The following PHF12 variants were observed in gnomAD, a reference collection of about 807,000 sequenced individuals.
PHF12 encodes the protein PHD finger protein 12.
A neutral mutation model predicts 99.8 loss-of-function variants in PHF12; 6 were observed. That is an observed-to-expected ratio of 0.06 (90% CI 0.03 to 0.12). The LOEUF is 0.12. Ranked by LOEUF, PHF12 falls within the 10% of genes least tolerant of loss-of-function variation. The probability of loss-of-function intolerance (pLI) is 1.00; values close to 1 mark genes in which losing one functional copy is unlikely to be tolerated. For missense variants in PHF12, 954 were observed against 1,300.1 expected (o/e 0.73, Z 4.09); for synonymous variants, 480 against 514.9 (o/e 0.93, Z 0.92).
In PHF12 at chr17:28,950,940, G is replaced by T; in HGVS notation, c.21C>A (p.Thr7=). The change falls in exon 1 of 15, where the codon ACC becomes ACA. Residue 7 remains threonine (T), a synonymous_variant. Transcript: ENST00000332830. The surrounding 1 kb of genome is among the most constrained non-coding windows in gnomAD (Gnocchi z 5.7). MWEKME[T]KTIVYDLDTS... is the part of the protein sequence containing the mutation. ...TGTCCAAGTCGTACACGATCGTCTTGGTCTCCATTTTCTCCCACATTCATC... is the reference window on the plus strand; with the variant it reads ...TGTCCAAGTCGTACACGATCGTCTTTGTCTCCATTTTCTCCCACATTCATC... 6.2e-7 allele frequency: 1 copy of T among 1,613,946 alleles called. No homozygotes were observed. The highest frequency in any genetic ancestry group is 8.5e-7 in the Non-Finnish European group (1 of 1,179,920).
chr17:28,909,207 G>C, intron 11 of PHF12: 1 of 277,666 alleles, frequency 3.6e-6, no homozygotes, highest in South Asian at 5.8e-5. Flanking sequence ...TGGAAAAACA[G>C]ACGGCATGGA....
intron 12 of PHF12, 76 bp downstream of exon 12, chr17:28,908,707 A>G: frequency 6.9e-7 from 1 of 1,454,770 alleles, no homozygotes; most frequent in Admixed American, 1.8e-5. Flanking sequence ...ACCCCTTTCT[A>G]ACTTCTGTGG....
chr17:28,916,192 TG>T (rs1022621315), intron 7 of PHF12, among the ~76,000 whole-genome samples: 8 of 152,340 alleles, frequency 5.3e-5, no homozygotes, highest in African/African-American at 1.9e-4. Context: ...ATGGCAGTGG[TG>T]TGACTGACCT....
In PHF12 at chr17:28,914,052, TAGA is replaced by T; in HGVS notation, c.1135-18_1135-16del. ...GCATCAGGAACCTGTTCAGGATAGATAGAAGGAGGAAGGAGAGGGAGATAGTTC... is the reference window on the plus strand; with the variant it reads ...GCATCAGGAACCTGTTCAGGATAGATAGGAGGAAGGAGAGGGAGATAGTTC... On this transcript the variant is annotated splice_polypyrimidine_tract_variant and intron_variant, in intron 7 of 14. Coordinates refer to ENST00000332830, the MANE Select transcript of PHF12 (RefSeq NM_001033561.2). The T allele has an allele frequency of 6.3e-7, 1 of 1,588,670 alleles. No individual in the cohort carries two copies. Among genetic ancestry groups the T allele is most frequent in the Non-Finnish European group, 8.6e-7 (1 of 1,159,546 alleles).
intron 13 of PHF12, 51 bp from the exon 14 acceptor site, chr17:28,907,045 G>C (rs1375804814): frequency 6.5e-7 from 1 of 1,548,044 alleles, no homozygotes; most frequent in Admixed American, 1.9e-5. Flanking sequence ...GTGGGGCCTG[G>C]GGCTAAGGGG....
chr17:28,924,238 G>A lies in PHF12; in HGVS notation c.386C>T (p.Thr129Ile). The A allele has an allele frequency of 6.2e-7, 1 of 1,614,206 alleles. No homozygotes were observed. The highest frequency in any genetic ancestry group is 8.5e-7 in the Non-Finnish European group (1 of 1,180,032). Residue 129 changes from threonine (T) to isoleucine (I), a missense_variant, in exon 4 of 15, where the codon ACT becomes ATT. This residue lies in a region of PHF12 where 109 missense variants were observed against 145.4 expected (regional missense o/e 0.75). Transcript: ENST00000332830. The stretch of plus-strand genomic sequence containing the variant: ...GTCAGTGTCACTGCTGGGGGATGTA[G>A]TCCGTTTGCCAGATTTGTCCACCAG... ...NGLVDKSGKR[T>I]TSPSSDTDLL...
intron 2 of PHF12, among the ~76,000 whole-genome samples, chr17:28,946,959 G>A (rs2040731943): frequency 6.6e-6 from 1 of 152,030 alleles, no homozygotes; most frequent in African/African-American, 2.4e-5. Context: ...ACTCTCACAT[G>A]ATAAAATTAA....
At chr17:28,934,373 G>A (rs76081342) in intron 2 of PHF12, among the ~76,000 whole-genome samples, 3,334 of 152,232 alleles carry the variant, frequency 0.022, 79 homozygotes, top group Non-Finnish European at 0.031. Context: ...ATAATTCAGA[G>A]CTATTTAACA....
intron 2 of PHF12, among the ~76,000 whole-genome samples, chr17:28,942,420 C>T (rs895152344): frequency 8.5e-5 from 13 of 152,150 alleles, no homozygotes; most frequent in Non-Finnish European, 1.2e-4. Flanking sequence ...ACTCAGGAGG[C>T]TGAGGTGGAG....
At position 28,927,353 on chromosome 17, in the gene PHF12, C is replaced by CTAA. The variant is rs1270695020; in HGVS notation, c.249-291_249-290insTTA. On this transcript the variant is annotated intron_variant, in intron 2 of 14. Coordinates refer to ENST00000332830, the MANE Select transcript of PHF12 (RefSeq NM_001033561.2). ...GTCCTCCACACTGTTTTCTTAAAGC[C>CTAA]TGTTAGTGTAGAGCCAAGCTTTTCT... Among the ~76,000 whole-genome samples, 7 of 152,058 alleles carry CTAA rather than the reference C, an allele frequency of 4.6e-5. No individual in the cohort carries two copies. In the East Asian group the frequency reaches 1.4e-3, roughly 29 times the overall value.
At chr17:28,922,180 C>G (rs1160605711) in intron 4 of PHF12, among the ~76,000 whole-genome samples, 1 of 152,210 alleles carries the variant, frequency 6.6e-6, no homozygotes, top group Non-Finnish European at 1.5e-5. Flanking sequence ...TCTTGAACTA[C>G]TGGGCTCAAG....
chr17:28,933,455 A>G (rs879903538), intron 2 of PHF12, among the ~76,000 whole-genome samples: 1 of 152,200 alleles, frequency 6.6e-6, no homozygotes, highest in Non-Finnish European at 1.5e-5. Context: ...ACCCAAATCA[A>G]AGTTTCCTGG....
intron 5 of PHF12, among the ~76,000 whole-genome samples, chr17:28,920,096 G>A (rs1482299672): frequency 6.6e-6 from 1 of 152,194 alleles, no homozygotes; most frequent in Non-Finnish European, 1.5e-5. Context: ...AGATGATTTT[G>A]TAATGTATTC....
Position 28,910,265 on chromosome 17 carries a change from C to A in PHF12, c.2320G>T (p.Gly774Trp). The change falls in exon 11 of 15, where the codon GGG (glycine) becomes TGG (tryptophan). Residue 774 changes from glycine (G) to tryptophan (W), a missense_variant. Physicochemically the swap from Gly to Trp is radical, Grantham distance 184. Transcript: ENST00000332830. Reference sequence around the variant, plus strand: ...CCTCCAGAAGCCAGCTGATGTGTCCCGACACTGCCCGGTGAAGGTTGGACC... The same window carrying A: ...CCTCCAGAAGCCAGCTGATGTGTCCAGACACTGCCCGGTGAAGGTTGGACC... Reference protein sequence around the residue: ...SRVQPSPGSVGTHQLASGGHH... With the variant: ...SRVQPSPGSVWTHQLASGGHH... 6.2e-7 allele frequency: 1 copy of A among 1,614,170 alleles called. No homozygotes were observed. The highest frequency in any genetic ancestry group is 8.5e-7 in the Non-Finnish European group (1 of 1,180,040).
chr17:28,944,536 A>G, intron 2 of PHF12: 1 of 983,354 alleles, frequency 1.0e-6, no homozygotes, highest in Non-Finnish European at 1.2e-6. Context: ...CCAGTAAGAC[A>G]ACATGACACG....
Position 28,912,846 on chromosome 17 carries a change from G to A in PHF12, c.1725C>T (p.Leu575=), listed in dbSNP as rs768430805. The A allele has an allele frequency of 3.1e-6, 5 of 1,608,694 alleles. No individual in the cohort carries two copies. The Admixed American group carries it at 6.7e-5, about 22-fold the overall frequency. The part of the protein sequence containing the change: ...LPGANTPLPG[L]SHRQGWPRPL... ...GCCGGGGCCAGCCTTGCCGGTGTGAGAGGCCTGGTAGTGGGGTGTTAGCGC... is the reference window on the plus strand; with the variant it reads ...GCCGGGGCCAGCCTTGCCGGTGTGAAAGGCCTGGTAGTGGGGTGTTAGCGC... Residue 575 remains leucine, a synonymous_variant, in exon 9 of 15, where the codon CTC becomes CTT. Coordinates refer to ENST00000332830, the MANE Select transcript of PHF12 (RefSeq NM_001033561.2).
chr17:28,929,206 C>G (rs1322276067), intron 2 of PHF12, among the ~76,000 whole-genome samples: 2 of 150,268 alleles, frequency 1.3e-5, no homozygotes, highest in Non-Finnish European at 3.0e-5. Flanking sequence ...GGAAATTTTT[C>G]TTCAAATAAT....
chr17:28,910,664 G>C (rs1034920226), intron 10 of PHF12: 1 of 460,150 alleles, frequency 2.2e-6, no homozygotes, highest in Non-Finnish European at 3.8e-6. Flanking sequence ...GCCTGTCTGT[G>C]GGGGAGGGCC....
At chr17:28,926,332 G>C (rs551011673) in intron 3 of PHF12, 1 of 182,226 alleles carries the variant, frequency 5.5e-6, no homozygotes, top group Non-Finnish European at 1.2e-5. Flanking sequence ...GGAGCACAGG[G>C]GGGTGGATTA....
Sources: allele counts gnomAD v4.1 joint callset (sites outside exome capture counted in the v4.1 genomes callset), GRCh38; gene constraint gnomAD v4.1.1; regional missense constraint gnomAD v4.1.1; non-coding constraint Gnocchi (gnomAD v3.1); transcripts MANE v1.5; gene names NCBI Gene and HGNC (gene_info 2026-07-23, HGNC 2026-07-21).